Variants in TXLNB observed in about 807,000 individuals in gnomAD.
The protein encoded by TXLNB is beta-taxilin.
Under a neutral mutation model 57.4 loss-of-function variants are expected in TXLNB, and 37 were observed. The ratio of observed to expected loss-of-function variants is 0.64; its 90% CI spans 0.50 to 0.85. The LOEUF (loss-of-function observed/expected upper bound fraction) is 0.85, where lower values mean the gene tolerates loss of function less well. Ranked by LOEUF, TXLNB falls within the 40% of genes least tolerant of loss-of-function variation. The pLI is 0.00. For synonymous variants in TXLNB, 302 were observed against 309.6 expected, an observed-to-expected ratio of 0.98 and a Z score of 0.26; for missense variants, 848 against 825.6, an observed-to-expected ratio of 1.03 and a Z score of -0.33.
In TXLNB at chr6:139,240,548, G is replaced by A. The variant is rs1775908843; in HGVS notation, c.*1978C>T. ...CTCCATTCTTGGACGTTCTGCCTCT[G>A]CAGTGGGGAAGGAGACCCTCCTGGA... On this transcript the variant is annotated 3_prime_UTR_variant, in exon 10 of 10. Transcript: ENST00000358430. 6.6e-6 allele frequency: 1 copy of A among 152,660 alleles called. No homozygotes were observed. Among genetic ancestry groups the A allele is most frequent in the African/African-American group, 2.4e-5 (1 of 41,464 alleles). 9.5% of individuals were successfully genotyped at this position (152,660 alleles called of 1,614,324 possible).
intron 6 of TXLNB, 122 bp downstream of exon 6, chr6:139,260,196 A>T: frequency 1.7e-6 from 2 of 1,201,536 alleles, no homozygotes; most frequent in Non-Finnish European, 2.2e-6. Context: ...TTTCAGCCTG[A>T]ATGACAGAAC....
At chr6:139,208,999 T>C in the TXLNB span, among the ~76,000 whole-genome samples, 1 of 152,174 alleles carries the variant, frequency 6.6e-6, no homozygotes, top group Admixed American at 6.5e-5. Context: ...GAAGTCAAAA[T>C]GTAGGTGTTT....
At chr6:139,319,740 G>C in the TXLNB span, among the ~76,000 whole-genome samples, 11 of 152,082 alleles carry the variant, frequency 7.2e-5, no homozygotes, top group Non-Finnish European at 1.5e-4. Flanking sequence ...ACTCCAGCCT[G>C]GGTGGCAGAG....
the TXLNB span, chr6:139,178,191 G>C: frequency 1.6e-4 from 25 of 152,126 alleles, 1 homozygote; most frequent in Non-Finnish European, 5.9e-5. Flanking sequence ...CAGTATGTTT[G>C]AAAAATAGAC....
chr6:139,196,192 C>T, the TXLNB span, among the ~76,000 whole-genome samples: 5 of 151,968 alleles, frequency 3.3e-5, no homozygotes, highest in Non-Finnish European at 7.4e-5. Flanking sequence ...ATAAATCTTC[C>T]ATGGATACAT....
At chr6:139,259,470 G>A (rs1377133714) in intron 6 of TXLNB, among the ~76,000 whole-genome samples, 1 of 152,166 alleles carries the variant, frequency 6.6e-6, no homozygotes, top group African/African-American at 2.4e-5. Flanking sequence ...GTTTGTTGCT[G>A]CTGCAGATGC....
chr6:139,292,520 C>T (rs1455464787), upstream of TXLNB, among the ~76,000 whole-genome samples: 1 of 152,130 alleles, frequency 6.6e-6, no homozygotes, highest in Non-Finnish European at 1.5e-5. The surrounding 1 kb of genome is among the most constrained non-coding windows in gnomAD (Gnocchi z 4.0). Context: ...GTGGTGGAAC[C>T]ATTTTAATTC....
At chr6:139,193,841 T>TATA in the TXLNB span, among the ~76,000 whole-genome samples, 170 of 25,718 alleles carry the variant, frequency 6.6e-3, no homozygotes, top group African/African-American at 0.012. Flanking sequence ...TATATATATA[T>TATA]TTTTTTTTTT....
intron 7 of TXLNB, among the ~76,000 whole-genome samples, chr6:139,249,399 G>A (rs1469698746): frequency 2.0e-5 from 3 of 152,136 alleles, no homozygotes; most frequent in African/African-American, 7.2e-5. Flanking sequence ...CTTCAAATGG[G>A]TATAACATTT....
chr6:139,250,798 G>A (rs905679972), intron 7 of TXLNB, among the ~76,000 whole-genome samples: 6 of 152,116 alleles, frequency 3.9e-5, no homozygotes, highest in Non-Finnish European at 8.8e-5. Flanking sequence ...ATGCAGCCTT[G>A]CTGGAATCAG....
the TXLNB span, among the ~76,000 whole-genome samples, chr6:139,173,442 C>G: frequency 1.3e-5 from 2 of 152,166 alleles, no homozygotes; most frequent in Non-Finnish European, 2.9e-5. Context: ...ACATACATAC[C>G]TTTCCATCGG....
the TXLNB span, among the ~76,000 whole-genome samples, chr6:139,211,852 T>C: frequency 6.6e-6 from 1 of 152,074 alleles, no homozygotes; most frequent in South Asian, 2.1e-4. Flanking sequence ...CAGTAACCGA[T>C]GCGATCAACT....
At chr6:139,310,454 A>G in the TXLNB span, among the ~76,000 whole-genome samples, 1 of 152,240 alleles carries the variant, frequency 6.6e-6, no homozygotes. Context: ...GAAGCTATCT[A>G]TCCTACATAC....
chr6:139,246,053 C>T (rs1776059519), intron 8 of TXLNB, among the ~76,000 whole-genome samples: 1 of 150,252 alleles, frequency 6.7e-6, no homozygotes, highest in Non-Finnish European at 1.5e-5. Flanking sequence ...GCTATGGGAC[C>T]ACACTTCACA....
the TXLNB span, among the ~76,000 whole-genome samples, chr6:139,184,048 T>G: frequency 1.3e-5 from 2 of 152,172 alleles, no homozygotes; most frequent in Admixed American, 1.3e-4. Context: ...TGCACATTGT[T>G]GTGGAGTCAG....
chr6:139,211,736 A>C, the TXLNB span, among the ~76,000 whole-genome samples: 1 of 152,176 alleles, frequency 6.6e-6, no homozygotes, highest in Non-Finnish European at 1.5e-5. Flanking sequence ...CTTTGAAAAA[A>C]ATTAGACGAA....
chr6:139,304,462 C>T, the TXLNB span, among the ~76,000 whole-genome samples: 7 of 152,082 alleles, frequency 4.6e-5, no homozygotes, highest in Non-Finnish European at 1.0e-4. Context: ...CAATCAGTAC[C>T]ACGATGCACA....
the TXLNB span, among the ~76,000 whole-genome samples, chr6:139,175,936 AATT>A: frequency 5.9e-5 from 9 of 152,344 alleles, no homozygotes; most frequent in Middle Eastern, 3.4e-3. Context: ...GATTATTGTT[AATT>A]TAAAAAAATC....
At chr6:139,237,476 G>A (rs980602027), downstream of TXLNB, 3 of 147,416 alleles carry the variant, frequency 2.0e-5, no homozygotes, top group Non-Finnish European at 3.0e-5. Context: ...CTGCAGTCCA[G>A]TGCCTGGGGG....
Sources: gnomAD v4.1 joint callset for allele counts (sites outside exome capture counted in the v4.1 genomes callset) on GRCh38, gnomAD v4.1.1 for gene constraint, Gnocchi (gnomAD v3.1) non-coding constraint, MANE v1.5 for transcripts, NCBI Gene and HGNC (gene_info 2026-07-23, HGNC 2026-07-21) for gene names.